The following NEK6 variants were observed in gnomAD, a reference collection of about 807,000 sequenced individuals.
NEK6 encodes NIMA related kinase 6, also known as serine/threonine-protein kinase Nek6.
A neutral mutation model predicts 43.5 loss-of-function variants in NEK6; 27 were observed. The observed-to-expected ratio is 0.62, with a 90% CI of 0.46 to 0.86. The LOEUF is 0.86. Ranked by LOEUF, NEK6 falls within the 40% of genes least tolerant of loss-of-function variation. The pLI is 0.00. For missense variants in NEK6, 318 were observed against 414.4 expected (o/e 0.77, Z 2.02); for synonymous variants, 167 against 164.1 (o/e 1.02, Z -0.14).
intron 9 of NEK6, among the ~76,000 whole-genome samples, chr9:124,350,202 G>T (rs1830179623): frequency 1.3e-5 from 2 of 152,224 alleles, no homozygotes; most frequent in Admixed American, 1.3e-4. Flanking sequence ...GTGAGCCCGT[G>T]ATGCAGGGTA....
At chr9:124,328,383 G>A (rs766785489) in intron 7 of NEK6, among the ~76,000 whole-genome samples, 3 of 152,158 alleles carry the variant, frequency 2.0e-5, no homozygotes, top group Non-Finnish European at 4.4e-5. Context: ...TGGAGTGGGC[G>A]AGGGCCCCTG....
intron 1 of NEK6, among the ~76,000 whole-genome samples, chr9:124,263,238 G>A (rs542039747): frequency 6.6e-6 from 1 of 152,326 alleles, no homozygotes; most frequent in East Asian, 1.9e-4. Flanking sequence ...GGGTTGAGAC[G>A]AGCACTGGGT....
chr9:124,281,688 A>G (rs1286562303), intron 1 of NEK6, among the ~76,000 whole-genome samples: 1 of 151,566 alleles, frequency 6.6e-6, no homozygotes, highest in African/African-American at 2.4e-5. Context: ...TAGTAGAGAC[A>G]GGGTTTTACC....
At chr9:124,257,777 G>A (rs996662554), upstream of NEK6, 56 of 1,469,262 alleles carry the variant, frequency 3.8e-5, no homozygotes, top group South Asian at 5.0e-5. Context: ...TTCCTCGGCC[G>A]AGCGGATCGG....
At chr9:124,302,721 A>G (rs1833049746) in intron 2 of NEK6, among the ~76,000 whole-genome samples, 1 of 151,872 alleles carries the variant, frequency 6.6e-6, no homozygotes, top group Non-Finnish European at 1.5e-5. Flanking sequence ...CTCTGGGGAG[A>G]CCTCCACTTC....
At chr9:124,339,828 C>G (rs1397602912) in intron 8 of NEK6, among the ~76,000 whole-genome samples, 163 bp downstream of exon 8, 1 of 152,188 alleles carries the variant, frequency 6.6e-6, no homozygotes, top group South Asian at 2.1e-4. Flanking sequence ...CTCCTCAGCC[C>G]CACGTGGGGC....
chr9:124,263,502 T>C (rs940476091), intron 1 of NEK6, among the ~76,000 whole-genome samples: 1 of 152,120 alleles, frequency 6.6e-6, no homozygotes, highest in Admixed American at 6.5e-5. Flanking sequence ...GGGGAGGAAG[T>C]AAGTGAAATA....
chr9:124,347,039 T>C (rs2131095655), intron 8 of NEK6, among the ~76,000 whole-genome samples: 1 of 152,348 alleles, frequency 6.6e-6, no homozygotes, highest in Non-Finnish European at 1.5e-5. Context: ...GAGCTAGGGC[T>C]GGCTGTGGAG....
intron 1 of NEK6, chr9:124,262,819 A>C (rs1171373780): frequency 6.6e-6 from 1 of 152,194 alleles, no homozygotes; most frequent in Admixed American, 6.5e-5. Flanking sequence ...AATTCCATAG[A>C]GTGTGAAGGA....
intron 8 of NEK6, among the ~76,000 whole-genome samples, chr9:124,344,472 A>G (rs2131076583): frequency 6.6e-6 from 1 of 152,228 alleles, no homozygotes; most frequent in East Asian, 1.9e-4. Flanking sequence ...GCCCCAGCGG[A>G]GTGTCTTGAA....
At chr9:124,332,588 C>T (rs1343032828) in intron 7 of NEK6, among the ~76,000 whole-genome samples, 1 of 152,374 alleles carries the variant, frequency 6.6e-6, no homozygotes, top group Non-Finnish European at 1.5e-5. Context: ...GACCGCATTT[C>T]TCCAGCTGCT....
chr9:124,326,265 T>G lies in NEK6; in HGVS notation c.406-65T>G. ...TGGGGAAAGGACAGAGGCAGTGCCC[T>G]GTGGCCACCCACCTCCAAGCCCGCT... On this transcript the variant is annotated intron_variant, in intron 5 of 9. Transcript: ENST00000320246. This position sits in a 1 kb window ranked among gnomAD's most constrained non-coding sequence, Gnocchi z 4.5. 1 of 870,130 alleles carries G rather than the reference T, an allele frequency of 1.1e-6. No homozygotes were observed. The highest frequency in any genetic ancestry group is 1.7e-6 in the Non-Finnish European group (1 of 587,234). 53.9% of individuals were successfully genotyped at this position (870,130 alleles called of 1,614,324 possible).
chr9:124,297,788 C>G (rs1832765245), intron 1 of NEK6, among the ~76,000 whole-genome samples: 1 of 152,198 alleles, frequency 6.6e-6, no homozygotes, highest in African/African-American at 2.4e-5. Flanking sequence ...TCAGTGTTAC[C>G]CCGAGGTGCC....
At chr9:124,325,102 G>C (rs936922598) in intron 5 of NEK6, among the ~76,000 whole-genome samples, 4 of 152,234 alleles carry the variant, frequency 2.6e-5, no homozygotes, top group South Asian at 2.1e-4. Context: ...TTGAACCCAG[G>C]AGGTGGAGGT....
chr9:124,347,316 G>A (rs1236521645), intron 8 of NEK6, among the ~76,000 whole-genome samples: 1 of 151,760 alleles, frequency 6.6e-6, no homozygotes, highest in African/African-American at 2.4e-5. Context: ...ACAGAGACCT[G>A]CCCCTGCAGG....
chr9:124,320,928 C>CA (rs559216978), intron 4 of NEK6, among the ~76,000 whole-genome samples: 95 of 152,000 alleles, frequency 6.3e-4, no homozygotes, highest in African/African-American at 2.2e-3. Context: ...CCTATCTCTA[C>CA]AAAAAAATAT....
intron 7 of NEK6, among the ~76,000 whole-genome samples, chr9:124,333,271 T>C (rs1829108415): frequency 6.6e-6 from 1 of 152,234 alleles, no homozygotes; most frequent in Non-Finnish European, 1.5e-5. Context: ...AGGCTTTACG[T>C]GACTTATTCC....
At chr9:124,339,711 G>A (rs752664065) in intron 8 of NEK6, 46 bp downstream of exon 8, 7 of 1,401,866 alleles carry the variant, frequency 5.0e-6, no homozygotes, top group South Asian at 4.6e-5. Context: ...GGACATGCAT[G>A]GGGGGTGCCC....
In NEK6 at chr9:124,275,334, G is replaced by A. The variant is rs1831610215; in HGVS notation, c.-30+17249G>A. Among the ~76,000 whole-genome samples the A allele has an allele frequency of 6.6e-6, 1 of 152,226 alleles. No homozygotes were observed. Among genetic ancestry groups the A allele is most frequent in the Admixed American group, 6.5e-5 (1 of 15,276 alleles). ...CTTTGAGTCATGGTTTCACCTGCCT[G>A]AGCCTCGGTTTCCTCATCTTCACTC... On this transcript the variant is annotated intron_variant, in intron 1 of 9. Coordinates refer to ENST00000320246, the MANE Select transcript of NEK6 (RefSeq NM_014397.6). This position sits in a 1 kb window ranked among gnomAD's most constrained non-coding sequence, Gnocchi z 4.4.
Sources: gnomAD v4.1 joint callset for allele counts (sites outside exome capture counted in the v4.1 genomes callset) on GRCh38, gnomAD v4.1.1 for gene constraint, Gnocchi (gnomAD v3.1) non-coding constraint, MANE v1.5 for transcripts, NCBI Gene and HGNC (gene_info 2026-07-23, HGNC 2026-07-21) for gene names.